HDAC9: variants seen among roughly 807,000 people sequenced by gnomAD.
The protein encoded by HDAC9 is MEF-2 interacting transcription repressor (MITR) protein.
A neutral mutation model predicts 139.4 loss-of-function variants in HDAC9; 41 were observed. That is an observed-to-expected ratio of 0.29 (90% confidence interval 0.23 to 0.38). HDAC9 has a LOEUF of 0.38. Ranked by LOEUF, HDAC9 falls within the 10% of genes least tolerant of loss-of-function variation. The pLI is 1.00. For missense variants in HDAC9, 1,147 were observed against 1,297.0 expected, an observed-to-expected ratio of 0.88 and a Z score of 1.78; for synonymous variants, 517 against 476.2, an observed-to-expected ratio of 1.09 and a Z score of -1.12.
At chr7:18,829,783 C>T (rs188810070) in intron 19 of HDAC9, among the ~76,000 whole-genome samples, 58 of 152,282 alleles carry the variant, frequency 3.8e-4, no homozygotes, top group Admixed American at 2.9e-3. Flanking sequence ...CAGATCAGGG[C>T]AACTTTTATG....
At chr7:18,848,610 T>C (rs1026707316) in intron 21 of HDAC9, among the ~76,000 whole-genome samples, 6 of 151,928 alleles carry the variant, frequency 3.9e-5, no homozygotes, top group African/African-American at 1.5e-4. Flanking sequence ...CTCAAACTTC[T>C]AGCCACCAGA....
intron 1 of HDAC9, among the ~76,000 whole-genome samples, chr7:18,362,130 G>A (rs555485372): frequency 2.1e-4 from 32 of 152,270 alleles, no homozygotes; most frequent in Middle Eastern, 6.8e-3. Context: ...AATTGTTTCT[G>A]GGAGAACAGA....
intron 1 of HDAC9, among the ~76,000 whole-genome samples, chr7:18,439,737 A>G (rs986844767): frequency 4.6e-5 from 7 of 152,342 alleles, no homozygotes; most frequent in Admixed American, 2.0e-4. Flanking sequence ...AGAAAGAGTA[A>G]GAGAAGTATC....
intron 24 of HDAC9, among the ~76,000 whole-genome samples, chr7:18,966,282 T>C (rs1399693497): frequency 6.6e-6 from 1 of 152,208 alleles, no homozygotes; most frequent in Non-Finnish European, 1.5e-5. Flanking sequence ...GAATACCAGT[T>C]GTAAATGACA....
At chr7:18,287,366 G>A (rs923901966), upstream of HDAC9, among the ~76,000 whole-genome samples, 3 of 151,990 alleles carry the variant, frequency 2.0e-5, no homozygotes, top group East Asian at 1.9e-4. Context: ...ATACAATAGG[G>A]GATCAAAGTA....
intron 24 of HDAC9, among the ~76,000 whole-genome samples, chr7:18,968,998 CTAAA>C: frequency 7.6e-6 from 1 of 132,202 alleles, no homozygotes; most frequent in Middle Eastern, 3.9e-3. Flanking sequence ...ACTTTATCCT[CTAAA>C]TAAAGGAGGA....
intron 22 of HDAC9, among the ~76,000 whole-genome samples, chr7:18,933,524 A>T (rs1224944933): frequency 6.6e-6 from 1 of 151,720 alleles, no homozygotes; most frequent in Non-Finnish European, 1.5e-5. Context: ...ATTTCCATAT[A>T]TAAATTTTGG....
intron 21 of HDAC9, among the ~76,000 whole-genome samples, chr7:18,853,867 C>A (rs986873949): frequency 6.6e-6 from 1 of 152,108 alleles, no homozygotes; most frequent in African/African-American, 2.4e-5. Flanking sequence ...TCAGAAGTTA[C>A]CTATCTGATG....
chr7:18,298,425 A>C (rs528521449), intron 1 of HDAC9, among the ~76,000 whole-genome samples: 1 of 152,014 alleles, frequency 6.6e-6, no homozygotes, highest in South Asian at 2.1e-4. Context: ...TTCCAATGCT[A>C]TCCCTCCCCG....
chr7:18,126,931 T>A (rs1047886034), intron 1 of HDAC9, among the ~76,000 whole-genome samples: 2 of 152,170 alleles, frequency 1.3e-5, no homozygotes, highest in African/African-American at 4.8e-5. Flanking sequence ...AAAGTATCTT[T>A]CTAATCCAAG....
intron 1 of HDAC9, among the ~76,000 whole-genome samples, chr7:18,415,097 CAG>C (rs1485436463): frequency 6.6e-6 from 1 of 152,190 alleles, no homozygotes; most frequent in African/African-American, 2.4e-5. Context: ...AGTAGCTTGA[CAG>C]AGTTTACACA....
intron 12 of HDAC9, among the ~76,000 whole-genome samples, chr7:18,712,446 C>T (rs1276869619): frequency 6.6e-6 from 1 of 152,168 alleles, no homozygotes; most frequent in African/African-American, 2.4e-5. Flanking sequence ...ACAATAATTC[C>T]TGTTTCAGTG....
chr7:18,484,857 A>G (rs545289474), intron 1 of HDAC9, among the ~76,000 whole-genome samples: 5 of 151,820 alleles, frequency 3.3e-5, no homozygotes, highest in African/African-American at 1.2e-4. Flanking sequence ...CACCTGTAAA[A>G]AAAAAAAAAA....
chr7:18,108,911 G>T (rs780431858), intron 1 of HDAC9, among the ~76,000 whole-genome samples: 1 of 152,074 alleles, frequency 6.6e-6, no homozygotes, highest in Non-Finnish European at 1.5e-5. Flanking sequence ...GAGCCACTGC[G>T]CCTGGCCACA....
chr7:18,213,167 A>C (rs778412648), intron 2 of HDAC9, among the ~76,000 whole-genome samples: 18 of 152,292 alleles, frequency 1.2e-4, no homozygotes, highest in South Asian at 2.1e-4. Context: ...GACAAAGAAT[A>C]CTTTTGACAG....
At position 18,712,437 on chromosome 7, in the gene HDAC9, C is replaced by T. The variant is rs1185004234; in HGVS notation, c.1732-15143C>T. Among the ~76,000 whole-genome samples the T allele has an allele frequency of 2.0e-5, 3 of 152,138 alleles. 1 individual carries two copies. The highest frequency in any genetic ancestry group is 1.5e-5 in the Non-Finnish European group (1 of 68,026). ...CATAGTCACTTATTCTGCAAGTTTACAATAATTCCTGTTTCAGTGTCAATT... is the reference window on the plus strand; with the variant it reads ...CATAGTCACTTATTCTGCAAGTTTATAATAATTCCTGTTTCAGTGTCAATT... On this transcript the variant is annotated intron_variant, in intron 12 of 25. Transcript: ENST00000686413.
intron 1 of HDAC9, among the ~76,000 whole-genome samples, chr7:18,457,992 G>A (rs1793497875): frequency 6.6e-6 from 1 of 152,106 alleles, no homozygotes; most frequent in South Asian, 2.1e-4. Flanking sequence ...CTGAGGTTGT[G>A]TATGGCCATA....
chr7:18,466,438 T>C (rs1425298333), intron 1 of HDAC9, among the ~76,000 whole-genome samples: 2 of 152,188 alleles, frequency 1.3e-5, no homozygotes, highest in African/African-American at 2.4e-5. Flanking sequence ...TCAAGTGATC[T>C]GTCCACCTGG....
Position 18,644,682 on chromosome 7 carries a change from A to G in HDAC9, c.924A>G (p.Ser308=). ...TCTTTTTTTAACAGCAAATGGTTTCACAGCAACGCATTCTAATTCATGAAG... is the reference window on the plus strand; with the variant it reads ...TCTTTTTTTAACAGCAAATGGTTTCGCAGCAACGCATTCTAATTCATGAAG... ...PPTPHAEQMV[S]QQRILIHEDS... is the part of the protein sequence containing the mutation. Residue 308 remains serine, a synonymous_variant, in exon 9 of 26, where the codon TCA becomes TCG. Coordinates refer to ENST00000686413, the MANE Select transcript of HDAC9 (RefSeq NM_178425.4). The G allele has an allele frequency of 6.2e-7, 1 of 1,609,990 alleles. No homozygotes were observed. The highest frequency in any genetic ancestry group is 8.5e-7 in the Non-Finnish European group (1 of 1,178,012).
Sources: allele counts gnomAD v4.1 joint callset (sites outside exome capture counted in the v4.1 genomes callset), GRCh38; gene constraint gnomAD v4.1.1; transcripts MANE v1.5; gene names NCBI Gene and HGNC (gene_info 2026-07-23, HGNC 2026-07-21).